CSMD1: variants seen among roughly 807,000 people sequenced by gnomAD.
The protein encoded by CSMD1 is CUB and sushi domain-containing protein 1.
In CSMD1, 213 loss-of-function variants were observed where a neutral mutation model predicts 417.5. That is an observed-to-expected ratio of 0.51 (90% CI 0.46 to 0.57). The LOEUF (loss-of-function observed/expected upper bound fraction) is 0.57. CSMD1 is among the 20% of genes least tolerant of loss of function. The pLI is 0.00. For synonymous variants in CSMD1, 2,862 were observed against 1,736.8 expected (o/e 1.65, Z -16.11); for missense variants, 6,923 against 4,529.7 (o/e 1.53, Z -15.17).
At chr8:3,481,632 T>A (rs375930062) in intron 11 of CSMD1, among the ~76,000 whole-genome samples, 1 of 152,180 alleles carries the variant, frequency 6.6e-6, no homozygotes, top group Non-Finnish European at 1.5e-5. Context: ...CTGAATGATG[T>A]AGGTGGGCCC....
intron 3 of CSMD1, among the ~76,000 whole-genome samples, chr8:4,080,627 A>T (rs1428421609): frequency 6.6e-6 from 1 of 152,188 alleles, no homozygotes; most frequent in Non-Finnish European, 1.5e-5. Context: ...TTAGAAGCTA[A>T]ATTTTATCAG....
chr8:4,188,769 T>C (rs1194351843), intron 3 of CSMD1, among the ~76,000 whole-genome samples: 1 of 150,130 alleles, frequency 6.7e-6, no homozygotes, highest in Non-Finnish European at 1.5e-5. Flanking sequence ...AGATTTTTAG[T>C]AGGAAAGAAG....
At chr8:4,015,164 A>T (rs1422110340) in intron 4 of CSMD1, among the ~76,000 whole-genome samples, 2 of 152,174 alleles carry the variant, frequency 1.3e-5, no homozygotes, top group Admixed American at 1.3e-4. Context: ...TCTTATATAA[A>T]AACTGTCCCA....
At chr8:4,055,152 G>C (rs968445897) in intron 3 of CSMD1, among the ~76,000 whole-genome samples, 2 of 152,136 alleles carry the variant, frequency 1.3e-5, no homozygotes, top group Non-Finnish European at 2.9e-5. Flanking sequence ...TTCAGAAACT[G>C]TTTGAAATAT....
At chr8:4,455,857 G>C (rs778052530) in intron 2 of CSMD1, among the ~76,000 whole-genome samples, 3 of 134,096 alleles carry the variant, frequency 2.2e-5, no homozygotes, top group Non-Finnish European at 1.5e-5. Context: ...CTTGAACCTG[G>C]GAGACAGGTT....
chr8:3,049,460 C>T (rs11986035), intron 50 of CSMD1, among the ~76,000 whole-genome samples: 45,328 of 151,890 alleles, frequency 0.3, 6,944 homozygotes, highest in East Asian at 0.36. Context: ...ACGCTTATTA[C>T]TAAGTGAAAG....
chr8:4,274,773 A>G (rs1796379687), intron 3 of CSMD1, among the ~76,000 whole-genome samples: 2 of 152,136 alleles, frequency 1.3e-5, no homozygotes, highest in South Asian at 4.1e-4. Context: ...GATTATTAGA[A>G]TTTTTTATCA....
At chr8:3,339,102 T>G (rs1392673293) in intron 23 of CSMD1, among the ~76,000 whole-genome samples, 1 of 151,440 alleles carries the variant, frequency 6.6e-6, no homozygotes, top group African/African-American at 2.4e-5. Flanking sequence ...TGTTTGTTCT[T>G]GCGATAGTTT....
At chr8:4,774,147 C>T (rs1489501119) in intron 1 of CSMD1, among the ~76,000 whole-genome samples, 2 of 152,170 alleles carry the variant, frequency 1.3e-5, no homozygotes, top group East Asian at 3.9e-4. Flanking sequence ...TGGCAGTGAG[C>T]CAATATCGTG....
chr8:4,732,836 C>T (rs1214033644), intron 1 of CSMD1, among the ~76,000 whole-genome samples: 1 of 152,164 alleles, frequency 6.6e-6, no homozygotes, highest in African/African-American at 2.4e-5. Context: ...AACTTCTTTG[C>T]AGGCTAGTTG....
chr8:3,700,372 T>G (rs1177170932), intron 7 of CSMD1: 1 of 152,218 alleles, frequency 6.6e-6, no homozygotes, highest in African/African-American at 2.4e-5. Context: ...TTTATGTGTG[T>G]GTTTATGATA....
chr8:3,984,844 A>C (rs1195139003), intron 5 of CSMD1, among the ~76,000 whole-genome samples: 2 of 150,368 alleles, frequency 1.3e-5, no homozygotes, highest in Admixed American at 6.7e-5. Context: ...AAAAAGGAGC[A>C]AGAAGAAAGC....
rs189331637 is a variant in CSMD1 at position 3,024,924 on chromosome 8, G to C, written c.7855+4395C>G. Among the ~76,000 whole-genome samples, 4 of 152,340 alleles carry C rather than the reference G, an allele frequency of 2.6e-5. No homozygotes were observed. In the East Asian group the frequency reaches 7.7e-4, roughly 29 times the overall value. On this transcript the variant is annotated intron_variant, in intron 51 of 69. Transcript: ENST00000635120. ...TGTTCCCTCCACTGCTTTGTGTACT[G>C]CCTGCCTGTGCCTTGGATACACGTG...
intron 26 of CSMD1, among the ~76,000 whole-genome samples, chr8:3,239,671 G>C (rs1344647959): frequency 6.6e-6 from 1 of 152,190 alleles, no homozygotes; most frequent in African/African-American, 2.4e-5. Flanking sequence ...GAAATGAGAG[G>C]TTCTAAGAGG....
chr8:3,052,838 A>G lies in CSMD1; in HGVS notation c.7475-191T>C, dbSNP rs540508402. ...GTGCTGTCTCCCAGGCTGGAGTGCA[A>G]TGACTCGATCTCAGCTCACTGCAGC... On this transcript the variant is annotated intron_variant, in intron 49 of 69. Coordinates refer to ENST00000635120, the MANE Select transcript of CSMD1 (RefSeq NM_033225.6). 2.3e-4 allele frequency among the ~76,000 whole-genome samples: 34 copies of G among 148,180 alleles called. 2 individuals are homozygous for G. In the South Asian group the frequency reaches 7.3e-3, roughly 32 times the overall value.
At chr8:3,770,638 T>G (rs937382593) in intron 5 of CSMD1, among the ~76,000 whole-genome samples, 1 of 151,906 alleles carries the variant, frequency 6.6e-6, no homozygotes, top group Non-Finnish European at 1.5e-5. Context: ...GAAAGGAAAA[T>G]TGTTTTTAGT....
chr8:4,871,819 A>G (rs1042351072), intron 1 of CSMD1, among the ~76,000 whole-genome samples: 1 of 152,088 alleles, frequency 6.6e-6, no homozygotes, highest in Non-Finnish European at 1.5e-5. Flanking sequence ...TTCCAGTAAC[A>G]TCAGAGGACA....
At chr8:3,598,007 C>T (rs1352877791) in intron 8 of CSMD1, among the ~76,000 whole-genome samples, 1 of 152,188 alleles carries the variant, frequency 6.6e-6, no homozygotes, top group East Asian at 1.9e-4. Context: ...CTTTGTATAT[C>T]TCCTCTCTTT....
At chr8:3,092,591 A>G (rs887314142) in intron 47 of CSMD1, among the ~76,000 whole-genome samples, 7 of 152,308 alleles carry the variant, frequency 4.6e-5, no homozygotes, top group Non-Finnish European at 7.4e-5. Context: ...CCTGAAATTC[A>G]TATCTAGTTT....
Sources: gnomAD v4.1 joint callset for allele counts (sites outside exome capture counted in the v4.1 genomes callset) on GRCh38, gnomAD v4.1.1 for gene constraint, MANE v1.5 for transcripts, NCBI Gene and HGNC (gene_info 2026-07-23, HGNC 2026-07-21) for gene names.